The following EPM2A variants were observed in gnomAD, a reference collection of about 807,000 sequenced individuals.
EPM2A encodes the protein laforin.
EPM2A carries 21 observed loss-of-function variants against 26.5 expected under a neutral mutation model. That is an observed-to-expected ratio of 0.79 (90% CI 0.56 to 1.14). The LOEUF is 1.14. Ranked by LOEUF, EPM2A falls within the 50% of genes most tolerant of loss-of-function variation. EPM2A has a pLI of 0.00. For synonymous variants in EPM2A, 217 were observed against 177.6 expected, an observed-to-expected ratio of 1.22 and a Z score of -1.76; for missense variants, 458 against 440.8, an observed-to-expected ratio of 1.04 and a Z score of -0.35.
At chr6:145,678,938 G>A (rs899947080) in intron 2 of EPM2A, among the ~76,000 whole-genome samples, 14 of 152,124 alleles carry the variant, frequency 9.2e-5, no homozygotes, top group Non-Finnish European at 1.9e-4. Context: ...CTACTATAAA[G>A]ACACATGCAC....
rs35721973 is a variant in EPM2A at position 145,702,192 on chromosome 6, G to GA, written c.302-15897dup. 3.3e-5 allele frequency among the ~76,000 whole-genome samples: 5 copies of GA among 151,888 alleles called. No homozygotes were observed. In the South Asian group the frequency reaches 6.2e-4, roughly 19 times the overall value. ...TGGCATCTGCACTCAATGCTCTATG[G>GA]AAAAAAAACTTTAAACAAAGTCATC... On this transcript the variant is annotated intron_variant, in intron 1 of 3. Coordinates refer to ENST00000367519, the MANE Select transcript of EPM2A (RefSeq NM_005670.4).
chr6:145,511,525 C>A (rs1254153925), intron 2 of EPM2A, among the ~76,000 whole-genome samples: 3 of 152,160 alleles, frequency 2.0e-5, no homozygotes, highest in African/African-American at 7.2e-5. Flanking sequence ...TAAATAGACA[C>A]AGAACAGCAT....
At position 145,668,070 on chromosome 6, in the gene EPM2A, C is replaced by T. The variant is rs552034550; in HGVS notation, c.476+18052G>A. On this transcript the variant is annotated intron_variant, in intron 2 of 3. Coordinates refer to ENST00000367519, the MANE Select transcript of EPM2A (RefSeq NM_005670.4). The stretch of plus-strand genomic sequence containing the variant: ...GGGAGATATACCTAAGGCTAGATGA[C>T]GAGTTAGTGGGTGCAGCGCACCAGC... Among the ~76,000 whole-genome samples the T allele has an allele frequency of 5.2e-3, 758 of 146,526 alleles. 4 individuals are homozygous for T. The highest frequency in any genetic ancestry group is 0.018 in the African/African-American group (722 of 39,624).
At chr6:145,554,188 C>T (rs1348029836) in intron 2 of EPM2A, among the ~76,000 whole-genome samples, 4 of 151,914 alleles carry the variant, frequency 2.6e-5, no homozygotes, top group African/African-American at 9.7e-5. Context: ...ATAAAAACAT[C>T]CCCTAACGAT....
rs1775760017 is a variant in EPM2A at position 145,625,716 on chromosome 6, G to C, written c.*1700C>G. 1 of 817,706 alleles carries C rather than the reference G, an allele frequency of 1.2e-6. No individual in the cohort carries two copies. The highest frequency in any genetic ancestry group is 1.4e-5 in the South Asian group (1 of 73,686). The allele number at this position is 817,706 out of a possible 1,614,324, so 50.7% of individuals were successfully genotyped here. On this transcript the variant is annotated 3_prime_UTR_variant, in exon 4 of 4. Coordinates refer to ENST00000367519, the MANE Select transcript of EPM2A (RefSeq NM_005670.4). Reference sequence around the variant, plus strand: ...AAAATTATAGTGGAAATGTGTCCTGGCTAGCTGCCTCTGCCCAAAGCAAAT... The same window carrying C: ...AAAATTATAGTGGAAATGTGTCCTGCCTAGCTGCCTCTGCCCAAAGCAAAT...
chr6:145,606,621 A>G (rs1198605155), intron 2 of EPM2A, among the ~76,000 whole-genome samples: 1 of 152,140 alleles, frequency 6.6e-6, no homozygotes, highest in African/African-American at 2.4e-5. Flanking sequence ...CTATGCATGT[A>G]GTTTGAGTTG....
At chr6:145,657,982 T>C (rs1005043697) in intron 2 of EPM2A, among the ~76,000 whole-genome samples, 1 of 152,310 alleles carries the variant, frequency 6.6e-6, no homozygotes, top group Admixed American at 6.5e-5. Context: ...CTTGCTCAAG[T>C]GTCTGGAATA....
chr6:145,676,168 G>A (rs1213900929), intron 2 of EPM2A, among the ~76,000 whole-genome samples: 1 of 152,170 alleles, frequency 6.6e-6, no homozygotes, highest in Non-Finnish European at 1.5e-5. Context: ...ACCTGCTCCT[G>A]AATGACTACT....
intron 2 of EPM2A, among the ~76,000 whole-genome samples, chr6:145,683,284 TGTGTGTGTGTGTGTGTGTGTGTGA>T (rs1313280282): frequency 1.3e-5 from 2 of 149,128 alleles, no homozygotes; most frequent in African/African-American, 2.4e-5. Flanking sequence ...TGTGTGTGTG[TGTGTGTGTGTGTGTGTGTGTGTGA>T]GTGTGTATAT....
At position 145,659,812 on chromosome 6, in the gene EPM2A, C is replaced by T. The variant is rs1457509455; in HGVS notation, c.477-24326G>A. Among the ~76,000 whole-genome samples the T allele has an allele frequency of 2.0e-5, 3 of 152,190 alleles. No individual in the cohort carries two copies. In the East Asian group the frequency reaches 5.8e-4, roughly 29 times the overall value. The stretch of plus-strand genomic sequence containing the variant: ...CCAACCACAGAGTTCCAGCCAATCG[C>T]AGGCACCCAGCTGTTCAAACTGTGT... On this transcript the variant is annotated intron_variant, in intron 2 of 3. Transcript: ENST00000367519.
At position 145,559,692 on chromosome 6, in the gene EPM2A, T is replaced by TAA. The variant is rs78930584; in HGVS notation, c.341-57119_341-57118dup. Among the ~76,000 whole-genome samples, 348 of 143,024 alleles carry TAA rather than the reference T, an allele frequency of 2.4e-3. 1 individual carries two copies. Among genetic ancestry groups the TAA allele is most frequent in the East Asian group, 0.019 (90 of 4,702 alleles). The allele number at this position is 143,024 out of a possible 152,430, so 93.8% of individuals were successfully genotyped here. ...TTCTCCTTTTTTTTTTTTTTTTTTT[T>TAA]AAAATGGTGCTATTAACACGTAAAC... On this transcript the variant is annotated intron_variant, in intron 2 of 3. Coordinates refer to the EPM2A transcript ENST00000450221.
At chr6:145,510,735 G>T (rs769605771) in intron 2 of EPM2A, among the ~76,000 whole-genome samples, 13 of 151,894 alleles carry the variant, frequency 8.6e-5, no homozygotes, top group Admixed American at 8.5e-4. Context: ...TAAACACAAA[G>T]CTAGCAGAAC....
At chr6:145,655,512 T>C (rs1486009463) in intron 2 of EPM2A, among the ~76,000 whole-genome samples, 1 of 152,136 alleles carries the variant, frequency 6.6e-6, no homozygotes, top group East Asian at 1.9e-4. Flanking sequence ...TAAAATAATA[T>C]TAAAATAATA....
intron 3 of EPM2A, among the ~76,000 whole-genome samples, chr6:145,633,533 A>G (rs1776421472): frequency 6.6e-6 from 1 of 152,286 alleles, no homozygotes; most frequent in East Asian, 1.9e-4. Context: ...AGGAACAAAC[A>G]TTATACCCCA....
chr6:145,689,901 C>T (rs1281106495), intron 1 of EPM2A, among the ~76,000 whole-genome samples: 4 of 152,196 alleles, frequency 2.6e-5, no homozygotes, highest in African/African-American at 9.6e-5. Context: ...TTGGCAGTAA[C>T]GAGGTGCCCC....
At chr6:145,537,035 C>T (rs1780441612) in intron 2 of EPM2A, among the ~76,000 whole-genome samples, 1 of 152,054 alleles carries the variant, frequency 6.6e-6, no homozygotes, top group Admixed American at 6.6e-5. Flanking sequence ...TCTGGTTGGT[C>T]CTAAGTTAGA....
intron 2 of EPM2A, among the ~76,000 whole-genome samples, chr6:145,677,887 C>T (rs1353143342): frequency 6.6e-6 from 1 of 152,160 alleles, no homozygotes; most frequent in East Asian, 1.9e-4. Flanking sequence ...CCATCCCCAT[C>T]AAGCTACCAA....
intron 4 of EPM2A, among the ~76,000 whole-genome samples, chr6:145,462,167 A>G (rs1779335190): frequency 6.6e-6 from 1 of 152,190 alleles, no homozygotes; most frequent in South Asian, 2.1e-4. Context: ...TATGTTTACT[A>G]ACAAAATATA....
chr6:145,551,233 AC>A (rs1461773729), intron 2 of EPM2A, among the ~76,000 whole-genome samples: 1 of 152,026 alleles, frequency 6.6e-6, no homozygotes, highest in Non-Finnish European at 1.5e-5. Flanking sequence ...CTGTTAACAC[AC>A]AAAAAAAGTT....
Sources: gnomAD v4.1 joint callset for allele counts (sites outside exome capture counted in the v4.1 genomes callset) on GRCh38, gnomAD v4.1.1 for gene constraint, MANE v1.5 for transcripts, NCBI Gene and HGNC (gene_info 2026-07-23, HGNC 2026-07-21) for gene names.